DNAJC10: variants seen among roughly 807,000 people sequenced by gnomAD.
DNAJC10 encodes the protein endoplasmic reticulum disulfide reductase DNAJC10.
In DNAJC10, 101 loss-of-function variants were observed where a neutral mutation model predicts 115.0. The ratio of observed to expected loss-of-function variants is 0.88; its 90% CI spans 0.75 to 1.04. The LOEUF (loss-of-function observed/expected upper bound fraction) is 1.04. Ranked by LOEUF, DNAJC10 falls within the 50% of genes least tolerant of loss-of-function variation. The pLI, the probability that DNAJC10 is intolerant of heterozygous loss-of-function variation, is 0.00. For missense variants in DNAJC10, 981 were observed against 928.8 expected (o/e 1.06, Z -0.73); for synonymous variants, 307 against 301.5 (o/e 1.02, Z -0.19).
intron 12 of DNAJC10, 72 bp from the exon 13 acceptor site, chr2:182,741,171 G>A: frequency 9.6e-7 from 1 of 1,038,598 alleles, no homozygotes; most frequent in African/African-American, 1.6e-5. Flanking sequence ...CTAACTTCAA[G>A]TCATAGAAAT....
intron 21 of DNAJC10, among the ~76,000 whole-genome samples, chr2:182,759,592 C>T (rs1694242007): frequency 6.6e-6 from 1 of 152,084 alleles, no homozygotes; most frequent in African/African-American, 2.4e-5. Flanking sequence ...TCCTCCCCAC[C>T]CCAGTACTCT....
Position 182,728,528 on chromosome 2 carries a change from A to C in DNAJC10, c.419-48A>C, listed in dbSNP as rs1193564897. On this transcript the variant is annotated intron_variant, in intron 5 of 23. Coordinates refer to ENST00000264065, the MANE Select transcript of DNAJC10 (RefSeq NM_018981.4). ...AAAGTTTTTAACTAAAATATGCATG[A>C]ACCTTTAATAAATAATTCTAAGTTG... 2.1e-6 allele frequency: 3 copies of C among 1,396,666 alleles called. No homozygotes were observed. In the South Asian group the frequency reaches 3.7e-5, roughly 17 times the overall value. 86.5% of individuals were successfully genotyped at this position (1,396,666 alleles called of 1,614,324 possible).
At chr2:182,750,569 G>A (rs560039171) in intron 14 of DNAJC10, among the ~76,000 whole-genome samples, 1 of 152,196 alleles carries the variant, frequency 6.6e-6, no homozygotes, top group Admixed American at 6.5e-5. Context: ...TGTGTCATTA[G>A]GAGATTTCAT....
chr2:182,742,993 C>T (rs958744185), intron 13 of DNAJC10, among the ~76,000 whole-genome samples: 2 of 151,982 alleles, frequency 1.3e-5, no homozygotes, highest in African/African-American at 4.8e-5. Flanking sequence ...ACTACAGGTG[C>T]AAGCCACCAT....
chr2:182,746,270 T>TC (rs748063881), intron 14 of DNAJC10, among the ~76,000 whole-genome samples: 14 of 152,184 alleles, frequency 9.2e-5, no homozygotes, highest in Admixed American at 2.0e-4. Flanking sequence ...GATGGCTGGG[T>TC]CAAATGGTAT....
chr2:182,766,451 A>G (rs1442673602), intron 22 of DNAJC10, among the ~76,000 whole-genome samples: 1 of 152,146 alleles, frequency 6.6e-6, no homozygotes, highest in African/African-American at 2.4e-5. Context: ...TAAATGAGTA[A>G]TACTATACAC....
chr2:182,725,085 TC>T (rs1395168182), intron 5 of DNAJC10, among the ~76,000 whole-genome samples: 1 of 152,186 alleles, frequency 6.6e-6, no homozygotes, highest in Non-Finnish European at 1.5e-5. Flanking sequence ...CCAAACTTTT[TC>T]ATTATTATTC....
chr2:182,735,575 T>C (rs1693562778), intron 10 of DNAJC10, among the ~76,000 whole-genome samples: 1 of 152,110 alleles, frequency 6.6e-6, no homozygotes, highest in African/African-American at 2.4e-5. Context: ...TTTCATCAGT[T>C]GTGGAAACCT....
At chr2:182,747,605 T>C (rs374903575) in intron 14 of DNAJC10, among the ~76,000 whole-genome samples, 3,352 of 151,364 alleles carry the variant, frequency 0.022, 82 homozygotes, top group East Asian at 0.1. Context: ...GCTGAAGTTG[T>C]TTATCAGCTT....
chr2:182,729,372 C>T (rs2105621630), intron 7 of DNAJC10, among the ~76,000 whole-genome samples: 1 of 152,300 alleles, frequency 6.6e-6, no homozygotes, highest in South Asian at 2.1e-4. Context: ...TGGTCTTGAA[C>T]TCCTGACCTT....
chr2:182,744,228 C>T (rs2105651912), intron 14 of DNAJC10, among the ~76,000 whole-genome samples: 1 of 152,224 alleles, frequency 6.6e-6, no homozygotes, highest in Middle Eastern at 3.4e-3. Flanking sequence ...AGTCCTTGTC[C>T]TGAAAGAGGT....
intron 14 of DNAJC10, among the ~76,000 whole-genome samples, chr2:182,749,503 T>G (rs1348972736): frequency 8.0e-5 from 12 of 150,198 alleles, no homozygotes; most frequent in African/African-American, 2.5e-4. Flanking sequence ...GTTTTCCATT[T>G]GCTTGGTAGA....
At chr2:182,747,268 A>G (rs1272473962) in intron 14 of DNAJC10, among the ~76,000 whole-genome samples, 2 of 152,034 alleles carry the variant, frequency 1.3e-5, no homozygotes, top group African/African-American at 4.8e-5. Flanking sequence ...TTCTGTGAAG[A>G]AAGGCATTGG....
At chr2:182,736,740 T>C (rs1037770162) in intron 11 of DNAJC10, among the ~76,000 whole-genome samples, 1 of 152,312 alleles carries the variant, frequency 6.6e-6, no homozygotes, top group Admixed American at 6.5e-5. Context: ...CATTGTTTTC[T>C]ATTTAATTGT....
chr2:182,767,551 C>G (rs1223263832), intron 22 of DNAJC10, among the ~76,000 whole-genome samples: 3 of 152,128 alleles, frequency 2.0e-5, no homozygotes, highest in Non-Finnish European at 2.9e-5. Context: ...TTGATGAGCT[C>G]TCCTCCTTCA....
At chr2:182,758,805 C>A in intron 19 of DNAJC10, 32 bp from the exon 20 acceptor site, 1 of 1,485,752 alleles carries the variant, frequency 6.7e-7, no homozygotes. Context: ...ATAGAGAATC[C>A]TATTTACAAC....
At position 182,777,461 on chromosome 2, in the gene DNAJC10, A is replaced by G. The variant is rs1367847104; in HGVS notation, c.*329A>G. On this transcript the variant is annotated 3_prime_UTR_variant, in exon 24 of 24. Coordinates refer to ENST00000264065, the MANE Select transcript of DNAJC10 (RefSeq NM_018981.4). ...AACGATTCTTAGCTCAGAGCCATAC[A>G]AAAGTAGGCTGGATTCAGTCCATGG... The G allele has an allele frequency of 5.9e-6, 1 of 170,380 alleles. No individual in the cohort carries two copies. The highest frequency in any genetic ancestry group is 2.4e-5 in the African/African-American group (1 of 42,374). 10.6% of individuals were successfully genotyped at this position (170,380 alleles called of 1,614,324 possible).
chr2:182,742,008 G>A (rs1423865612), intron 13 of DNAJC10, among the ~76,000 whole-genome samples: 3 of 151,756 alleles, frequency 2.0e-5, no homozygotes. Context: ...TATTTATATG[G>A]ATATAAAATC....
At position 182,728,879 on chromosome 2, in the gene DNAJC10, A is replaced by T. The variant is rs752733479; in HGVS notation, c.518A>T (p.Lys173Ile). The change falls in exon 7 of 24, where the codon AAA becomes ATA. Residue 173 changes from lysine to isoleucine, a missense_variant. Transcript: ENST00000264065. ...CTGTCATAGTGGAGAGACTTTGCTA[A>T]AGAAGTGGATGGGTTACTTCGAATT... ...DLAPTWRDFA[K>I]EVDGLLRIGA... The T allele has an allele frequency of 6.2e-7, 1 of 1,614,144 alleles. No individual in the cohort carries two copies. Among genetic ancestry groups the T allele is most frequent in the East Asian group, 2.2e-5 (1 of 44,862 alleles).
Sources: gnomAD v4.1 joint callset for allele counts (sites outside exome capture counted in the v4.1 genomes callset) on GRCh38, gnomAD v4.1.1 for gene constraint, MANE v1.5 for transcripts, NCBI Gene and HGNC (gene_info 2026-07-23, HGNC 2026-07-21) for gene names.